Variants in CTNNA2 observed in about 807,000 individuals in gnomAD.
CTNNA2 encodes catenin alpha-2.
CTNNA2 carries 42 observed loss-of-function variants against 101.0 expected under a neutral mutation model. The ratio of observed to expected loss-of-function variants is 0.42; its 90% CI spans 0.32 to 0.54. The LOEUF (loss-of-function observed/expected upper bound fraction) is 0.54, where lower values mean the gene tolerates loss of function less well. Among genes scored for constraint, CTNNA2 ranks in the 20% least tolerant of loss-of-function variants. CTNNA2 has a pLI of 0.14. For missense variants in CTNNA2, 871 were observed against 1,223.1 expected, an observed-to-expected ratio of 0.71 and a Z score of 4.29; for synonymous variants, 450 against 456.4, an observed-to-expected ratio of 0.99 and a Z score of 0.18.
chr2:80,351,269 T>A (rs1039139352), intron 7 of CTNNA2, among the ~76,000 whole-genome samples: 1 of 152,060 alleles, frequency 6.6e-6, no homozygotes, highest in Non-Finnish European at 1.5e-5. Flanking sequence ...GCAGAGTGGC[T>A]TTTTGAACTA....
intron 7 of CTNNA2, among the ~76,000 whole-genome samples, chr2:80,272,920 T>A (rs1358426747): frequency 1.3e-5 from 2 of 152,132 alleles, no homozygotes; most frequent in South Asian, 4.1e-4. Flanking sequence ...GATTAGAAAA[T>A]CTGAAAGACC....
At chr2:80,046,665 C>T (rs1376182907) in intron 7 of CTNNA2, among the ~76,000 whole-genome samples, 1 of 152,146 alleles carries the variant, frequency 6.6e-6, no homozygotes, top group Non-Finnish European at 1.5e-5. Context: ...ATCAGGAGTG[C>T]CTCAGCAACC....
chr2:79,619,602 C>T (rs1363056596), intron 1 of CTNNA2, among the ~76,000 whole-genome samples: 3 of 152,014 alleles, frequency 2.0e-5, no homozygotes, highest in Non-Finnish European at 4.4e-5. Flanking sequence ...TTTGAAGCTC[C>T]GTAATATTGT....
chr2:80,131,113 A>C (rs1465669481), intron 7 of CTNNA2, among the ~76,000 whole-genome samples: 1 of 152,106 alleles, frequency 6.6e-6, no homozygotes. Flanking sequence ...GTTGGAGTGC[A>C]GTGGCGTAAT....
chr2:79,909,789 A>C lies in CTNNA2; in HGVS notation c.1048A>C (p.Met350Leu), dbSNP rs759706163. 2.1e-5 allele frequency: 33 copies of C among 1,603,196 alleles called. No individual in the cohort carries two copies. ...GCTCCAGGACCTGCTCAGCGAGTAC[A>C]TGAATAATGTAAGTCTTGGGATCTC... is the stretch of plus-strand genomic sequence containing the variant. ...QALQDLLSEY[M>L]NNTGRKEKGD... The change falls in exon 7 of 19, where the codon ATG becomes CTG. Residue 350 changes from methionine (M) to leucine (L), a missense_variant. By Grantham distance (15) the Met-to-Leu change is conservative (BLOSUM62 2). Around this residue, in one of 5 missense-constraint regions of CTNNA2, gnomAD observed 647 missense variants for 831.5 expected, o/e 0.78. Coordinates refer to ENST00000402739, the MANE Select transcript of CTNNA2 (RefSeq NM_001282597.3).
At chr2:80,392,261 G>A (rs1677584517) in intron 7 of CTNNA2, among the ~76,000 whole-genome samples, 1 of 152,172 alleles carries the variant, frequency 6.6e-6, no homozygotes, top group African/African-American at 2.4e-5. Context: ...TATAGAGACT[G>A]AGTAGGCCAC....
chr2:79,920,377 T>G (rs1421018720), intron 7 of CTNNA2, among the ~76,000 whole-genome samples: 1 of 152,208 alleles, frequency 6.6e-6, no homozygotes, highest in Non-Finnish European at 1.5e-5. Flanking sequence ...ATCATCTTAT[T>G]GTTTGTGTTA....
chr2:79,241,869 G>A (rs1674629359), intron 2 of CTNNA2, among the ~76,000 whole-genome samples: 1 of 150,626 alleles, frequency 6.6e-6, no homozygotes, highest in South Asian at 2.1e-4. Context: ...AAACAGCATC[G>A]AATCACATTT....
At chr2:80,067,866 C>T (rs1698084038) in intron 7 of CTNNA2, among the ~76,000 whole-genome samples, 1 of 152,138 alleles carries the variant, frequency 6.6e-6, no homozygotes, top group Non-Finnish European at 1.5e-5. Flanking sequence ...AACCAGCCAA[C>T]CATGTGAGTG....
At chr2:79,923,980 T>C (rs1210903019) in intron 7 of CTNNA2, among the ~76,000 whole-genome samples, 1 of 152,124 alleles carries the variant, frequency 6.6e-6, no homozygotes, top group Admixed American at 6.6e-5. Context: ...TTCAAAGTAA[T>C]TGAAATCAGT....
chr2:80,094,887 A>G (rs1468417477), intron 7 of CTNNA2, among the ~76,000 whole-genome samples: 3 of 152,226 alleles, frequency 2.0e-5, no homozygotes, highest in Non-Finnish European at 4.4e-5. Flanking sequence ...TTGCTTATCA[A>G]CTTAAGGAGA....
Position 79,873,375 on chromosome 2 carries a change from A to G in CTNNA2, c.586-701A>G, listed in dbSNP as rs141000821. Among the ~76,000 whole-genome samples, 1,430 of 152,318 alleles carry G rather than the reference A, an allele frequency of 9.4e-3. 29 individuals carry two copies. The highest frequency in any genetic ancestry group is 0.033 in the African/African-American group (1,385 of 41,572). ...GCTAATGACTAAAGAGCCACTGAAT[A>G]AGAAAACTAGGGCTCCCTGCTGTCA... On this transcript the variant is annotated intron_variant, in intron 5 of 18. Transcript: ENST00000402739.
At chr2:79,723,554 A>C (rs535962230) in intron 2 of CTNNA2, among the ~76,000 whole-genome samples, 1 of 152,142 alleles carries the variant, frequency 6.6e-6, no homozygotes, top group Non-Finnish European at 1.5e-5. Context: ...TTATAACAGG[A>C]AGATCTTGGA....
rs1034920773 is a variant in CTNNA2, at chr2:79,815,122, A to G, written c.299-42891A>G. 2.6e-4 allele frequency among the ~76,000 whole-genome samples: 39 copies of G among 151,638 alleles called. No individual in the cohort carries two copies. In the Middle Eastern group the frequency reaches 0.01, roughly 40 times the overall value. On this transcript the variant is annotated intron_variant, in intron 3 of 18. Transcript: ENST00000402739. ...TCCTTAGGGCACTTTTGATGGGATT[A>G]TTTTATTCTTACTGAGTTGTTTGAG...
At chr2:79,784,173 T>C (rs1674665396) in intron 3 of CTNNA2, among the ~76,000 whole-genome samples, 1 of 152,166 alleles carries the variant, frequency 6.6e-6, no homozygotes, top group Non-Finnish European at 1.5e-5. Context: ...GGTCATGTCT[T>C]AGGACAAGAT....
At chr2:80,126,033 C>T (rs1702088876) in intron 7 of CTNNA2, among the ~76,000 whole-genome samples, 2 of 152,154 alleles carry the variant, frequency 1.3e-5, no homozygotes, top group African/African-American at 4.8e-5. Context: ...ATGTTAGCTC[C>T]TCCCTCTCTT....
intron 7 of CTNNA2, among the ~76,000 whole-genome samples, chr2:80,260,919 C>A (rs556989483): frequency 2.6e-5 from 4 of 152,186 alleles, no homozygotes; most frequent in South Asian, 2.1e-4. Flanking sequence ...ACATTTGTTA[C>A]CTGCCAGGCC....
chr2:79,513,714 T>A (rs745813140), intron 1 of CTNNA2, among the ~76,000 whole-genome samples: 39 of 148,220 alleles, frequency 2.6e-4, no homozygotes, highest in Non-Finnish European at 4.9e-4. Context: ...AAGAAGAATC[T>A]GTGGATTTGT....
chr2:80,097,135 T>C lies in CTNNA2; in HGVS notation c.1056+187338T>C, dbSNP rs566833261. ...TTTACAATTTGGCATGTTTTTGAAGTGGCTGGTACCGGTTGTTCCTTTCCA... is the reference window on the plus strand; with the variant it reads ...TTTACAATTTGGCATGTTTTTGAAGCGGCTGGTACCGGTTGTTCCTTTCCA... On this transcript the variant is annotated intron_variant, in intron 7 of 18. Transcript: ENST00000402739. 8.7e-4 allele frequency among the ~76,000 whole-genome samples: 132 copies of C among 152,336 alleles called. 1 individual carries two copies. The highest frequency in any genetic ancestry group is 1.4e-3 in the Non-Finnish European group (94 of 68,036).
Sources: gnomAD v4.1 joint callset for allele counts (sites outside exome capture counted in the v4.1 genomes callset) on GRCh38, gnomAD v4.1.1 for gene constraint, gnomAD v4.1.1 regional missense constraint, MANE v1.5 for transcripts, NCBI Gene and HGNC (gene_info 2026-07-23, HGNC 2026-07-21) for gene names.